The following HIGD1C variants were observed in gnomAD, a reference collection of about 807,000 sequenced individuals.
HIGD1C encodes HIG1 domain family member 1C.
HIGD1C carries 11 observed loss-of-function variants against 13.1 expected under a neutral mutation model. The observed-to-expected ratio is 0.84, with a 90% CI of 0.53 to 1.39. The LOEUF (loss-of-function observed/expected upper bound fraction) is 1.39, where lower values mean the gene tolerates loss of function less well. Ranked by LOEUF, HIGD1C falls within the 40% of genes most tolerant of loss-of-function variation. The pLI is 0.00. For synonymous variants in HIGD1C, 36 were observed against 37.7 expected, an observed-to-expected ratio of 0.95 and a Z score of 0.17; for missense variants, 110 against 112.0, an observed-to-expected ratio of 0.98 and a Z score of 0.08.
chr12:50,969,325 A>G (rs1386636332), intron 2 of HIGD1C, among the ~76,000 whole-genome samples: 1 of 151,658 alleles, frequency 6.6e-6, no homozygotes, highest in African/African-American at 2.4e-5. Flanking sequence ...AAATAAATCC[A>G]GATTTTGAGA....
intron 1 of HIGD1C, among the ~76,000 whole-genome samples, chr12:50,954,754 C>T (rs1592249410): frequency 6.6e-6 from 1 of 152,066 alleles, no homozygotes; most frequent in Admixed American, 6.6e-5. Flanking sequence ...AAACAAAAAA[C>T]CAAAAACTTC....
chr12:50,934,529 G>C, the HIGD1C span, among the ~76,000 whole-genome samples: 1 of 152,294 alleles, frequency 6.6e-6, no homozygotes, highest in African/African-American at 2.4e-5. Flanking sequence ...TGAATAACTA[G>C]ACATATCCCT....
intron 2 of HIGD1C, among the ~76,000 whole-genome samples, chr12:50,964,663 A>C (rs529579833): frequency 6.6e-6 from 1 of 152,342 alleles, no homozygotes; most frequent in African/African-American, 2.4e-5. Context: ...AATGCTTCTG[A>C]TTATCTTTAG....
chr12:50,936,123 C>G, the HIGD1C span, among the ~76,000 whole-genome samples: 1 of 149,636 alleles, frequency 6.7e-6, no homozygotes, highest in African/African-American at 2.5e-5. Flanking sequence ...CACACCATTG[C>G]ACTCCAGCCT....
downstream of HIGD1C, among the ~76,000 whole-genome samples, chr12:50,970,854 C>A (rs917577789): frequency 1.3e-5 from 2 of 151,254 alleles, no homozygotes; most frequent in South Asian, 4.2e-4. Context: ...ATAATGGTTA[C>A]AGAAGACTTC....
chr12:50,947,486 C>T, the HIGD1C span, among the ~76,000 whole-genome samples: 1 of 152,112 alleles, frequency 6.6e-6, no homozygotes, highest in Admixed American at 6.5e-5. Context: ...AATCTCTCAA[C>T]CTGACTTGAT....
exon 3 of HIGD1C, chr12:50,970,470 C>T (rs765535248): frequency 6.5e-7 from 1 of 1,529,600 alleles, no homozygotes; most frequent in Admixed American, 2.0e-5. Context: ...ATAAGGATTA[C>T]ATTAGACCAC....
exon 1 of HIGD1C, chr12:50,954,023 G>A: frequency 6.2e-7 from 1 of 1,612,452 alleles, no homozygotes; most frequent in Admixed American, 1.7e-5. Flanking sequence ...CCAGTGGTCA[G>A]CAGATGAGGA....
At chr12:50,954,770 C>A (rs74492956) in intron 1 of HIGD1C, among the ~76,000 whole-genome samples, 1 of 152,110 alleles carries the variant, frequency 6.6e-6, no homozygotes, top group African/African-American at 2.4e-5. Context: ...ACTTCTGCAT[C>A]TAATGTTTTT....
chr12:50,964,491 G>A (rs1325221684), intron 2 of HIGD1C, among the ~76,000 whole-genome samples: 1 of 152,138 alleles, frequency 6.6e-6, no homozygotes, highest in Non-Finnish European at 1.5e-5. Context: ...ATTTCCCCTT[G>A]ATGTTCAGAA....
At chr12:50,939,788 C>G in the HIGD1C span, 6 of 152,338 alleles carry the variant, frequency 3.9e-5, no homozygotes, top group East Asian at 1.2e-3. Context: ...CTTCTCCACA[C>G]AGTCTCTCAC....
intron 2 of HIGD1C, among the ~76,000 whole-genome samples, chr12:50,963,369 C>CAAAA (rs35764288): frequency 2.7e-3 from 194 of 72,344 alleles, no homozygotes; most frequent in African/African-American, 3.8e-3. Context: ...GACTCCATCT[C>CAAAA]AAAAAAAAAA....
chr12:50,946,249 G>A, the HIGD1C span, among the ~76,000 whole-genome samples: 2 of 152,150 alleles, frequency 1.3e-5, no homozygotes, highest in Admixed American at 6.5e-5. Context: ...TTAAACTAAA[G>A]AGCTTCTGCA....
At chr12:50,940,475 T>C in the HIGD1C span, among the ~76,000 whole-genome samples, 552 of 152,234 alleles carry the variant, frequency 3.6e-3, 6 homozygotes, top group African/African-American at 0.013. Context: ...CCCAGCAGTA[T>C]GGGAGGCCAA....
chr12:50,961,195 A>C, intron 2 of HIGD1C, 93 bp downstream of exon 4: 1 of 1,307,232 alleles, frequency 7.6e-7, no homozygotes. Context: ...ATGTTGGGTC[A>C]CAATGATGTA....
downstream of HIGD1C, among the ~76,000 whole-genome samples, chr12:50,972,447 T>A (rs778670494): frequency 3.9e-5 from 6 of 152,358 alleles, no homozygotes; most frequent in South Asian, 1.0e-3. Context: ...CAGGAGCACT[T>A]AGAAGGAAAG....
the HIGD1C span, among the ~76,000 whole-genome samples, chr12:50,948,592 G>A: frequency 2.5e-4 from 38 of 151,356 alleles, no homozygotes; most frequent in Admixed American, 5.3e-4. Flanking sequence ...AAACACCGCC[G>A]GGTGCAGTGA....
At position 50,960,991 on chromosome 12, in the gene HIGD1C, G is replaced by C. The variant is rs140423925; in HGVS notation, c.118G>C (p.Val40Leu). ...AGGTATAGCAGGCTTTGTGACTGTG[G>C]TGTCCTGTGGTCTTTACAAGCTAAA... The change falls in exon 2 of 3, where the codon GTG (valine) becomes CTG (leucine). Residue 40 changes from valine to leucine, a missense_variant. Physicochemically the swap from Val to Leu is conservative, Grantham distance 32 (BLOSUM62 1). Coordinates refer to ENST00000398455, the Ensembl canonical transcript of HIGD1C. The C allele has an allele frequency of 1.9e-6, 3 of 1,600,050 alleles. No individual in the cohort carries two copies. Among genetic ancestry groups the C allele is most frequent in the East Asian group, 4.5e-5 (2 of 44,652 alleles).
chr12:50,972,087 A>C (rs1939775723), downstream of HIGD1C, among the ~76,000 whole-genome samples: 5 of 152,224 alleles, frequency 3.3e-5, no homozygotes, highest in South Asian at 1.0e-3. Flanking sequence ...GCTGGATCTA[A>C]TATGTTCCAT....
Sources: allele counts gnomAD v4.1 joint callset (sites outside exome capture counted in the v4.1 genomes callset), GRCh38; gene constraint gnomAD v4.1.1; transcripts MANE v1.5; gene names NCBI Gene and HGNC (gene_info 2026-07-23, HGNC 2026-07-21).